The following CDH13 variants were observed in gnomAD, a reference collection of about 807,000 sequenced individuals.
The protein encoded by CDH13 is cadherin 13, also known as cadherin-13.
Under a neutral mutation model 63.8 loss-of-function variants are expected in CDH13, and 24 were observed. The ratio of observed to expected loss-of-function variants is 0.38; its 90% confidence interval spans 0.27 to 0.53. The LOEUF is 0.53. Among genes scored for constraint, CDH13 ranks in the 20% least tolerant of loss-of-function variants. The pLI, the probability that CDH13 is intolerant of heterozygous loss-of-function variation, is 0.85. For missense variants in CDH13, 1,049 were observed against 903.1 expected (o/e 1.16, Z -2.07); for synonymous variants, 503 against 355.3 (o/e 1.42, Z -4.67).
At chr16:83,276,550 T>G (rs1164083993) in intron 5 of CDH13, among the ~76,000 whole-genome samples, 1 of 152,124 alleles carries the variant, frequency 6.6e-6, no homozygotes, top group African/African-American at 2.4e-5. Flanking sequence ...TGGGGAGGCC[T>G]CACAGTCATG....
At chr16:83,279,750 C>G (rs928482376) in intron 5 of CDH13, among the ~76,000 whole-genome samples, 1 of 152,050 alleles carries the variant, frequency 6.6e-6, no homozygotes, top group African/African-American at 2.4e-5. Flanking sequence ...ATAAAACATA[C>G]CTAAAGATAA....
intron 5 of CDH13, among the ~76,000 whole-genome samples, chr16:83,296,886 C>T (rs1424188): frequency 0.41 from 62,019 of 152,016 alleles, 12,707 homozygotes; most frequent in African/African-American, 0.43. Context: ...ATGATGGAAC[C>T]CAGTTTCATG....
intron 1 of CDH13, among the ~76,000 whole-genome samples, chr16:82,677,049 A>C (rs1413133893): frequency 2.6e-5 from 4 of 152,072 alleles, no homozygotes; most frequent in Non-Finnish European, 5.9e-5. Context: ...ACAGCCAGCT[A>C]ATTTTTGTAT....
At chr16:83,458,096 C>T (rs558660493) in intron 6 of CDH13, among the ~76,000 whole-genome samples, 4 of 152,252 alleles carry the variant, frequency 2.6e-5, no homozygotes, top group African/African-American at 9.6e-5. Context: ...ACAGAACGCT[C>T]CTAACAGAGA....
intron 5 of CDH13, among the ~76,000 whole-genome samples, chr16:83,289,342 G>C (rs2089409777): frequency 6.6e-6 from 1 of 152,114 alleles, no homozygotes; most frequent in Non-Finnish European, 1.5e-5. Context: ...CTTTCTGAAA[G>C]GCTTCTGTTT....
intron 6 of CDH13, among the ~76,000 whole-genome samples, chr16:83,443,979 G>A (rs1430672515): frequency 1.3e-5 from 2 of 150,230 alleles, no homozygotes; most frequent in Non-Finnish European, 3.0e-5. Context: ...TCAGGTGATG[G>A]TGTTGATTAT....
intron 4 of CDH13, among the ~76,000 whole-genome samples, chr16:83,133,000 C>CT (rs2036126421): frequency 6.6e-6 from 1 of 152,206 alleles, no homozygotes; most frequent in Admixed American, 6.5e-5. Context: ...CATTCACACT[C>CT]TAAGGCTGCA....
rs1909853508 is a variant in CDH13, at chr16:82,644,576, A to G, written c.45+17439A>G. 6.6e-6 allele frequency among the ~76,000 whole-genome samples: 1 copy of G among 152,214 alleles called. No homozygotes were observed. Among genetic ancestry groups the G allele is most frequent in the Admixed American group, 6.5e-5 (1 of 15,286 alleles). ...GCACGAGTTTGGGTGCTGGAAGGGG[A>G]GGCTTTATGGAGGCAAAGCTGAGGG... is the stretch of plus-strand genomic sequence containing the variant. On this transcript the variant is annotated intron_variant, in intron 1 of 13. Transcript: ENST00000567109. The surrounding 1 kb of genome is among the most constrained non-coding windows in gnomAD (Gnocchi z 5.7).
At chr16:82,631,750 T>A (rs1216128275) in intron 1 of CDH13, among the ~76,000 whole-genome samples, 2 of 152,214 alleles carry the variant, frequency 1.3e-5, no homozygotes, top group Non-Finnish European at 2.9e-5. Context: ...AAAGTCATCT[T>A]TCTCTGCTGA....
At chr16:82,723,066 A>C (rs904132723) in intron 1 of CDH13, 1 of 152,230 alleles carries the variant, frequency 6.6e-6, no homozygotes, top group Non-Finnish European at 1.5e-5. Context: ...CAACATCTGG[A>C]AATGAGTACT....
Position 83,799,232 on chromosome 16 carries a change from G to C in CDH13, c.*4202G>C, listed in dbSNP as rs1904300621. On this transcript the variant is annotated 3_prime_UTR_variant, in exon 14 of 14. Coordinates refer to ENST00000567109, the MANE Select transcript of CDH13 (RefSeq NM_001257.5). Reference sequence around the variant, plus strand: ...GGAGGCTGAGGCAGGAGAATCGCTTGAACCCAGGAGGCAGAGTTTGCAGTG... The same window carrying C: ...GGAGGCTGAGGCAGGAGAATCGCTTCAACCCAGGAGGCAGAGTTTGCAGTG... 1.4e-5 allele frequency: 2 copies of C among 147,840 alleles called. No individual in the cohort carries two copies. The highest frequency in any genetic ancestry group is 3.0e-5 in the Non-Finnish European group (2 of 67,430). 9.2% of individuals were successfully genotyped at this position (147,840 alleles called of 1,614,324 possible).
chr16:82,768,137 C>T (rs1482918304), intron 1 of CDH13, among the ~76,000 whole-genome samples: 3 of 152,184 alleles, frequency 2.0e-5, no homozygotes, highest in East Asian at 1.9e-4. Context: ...GAGAGACGCA[C>T]CTTGTGGCTG....
intron 1 of CDH13, among the ~76,000 whole-genome samples, chr16:82,685,897 G>T (rs1567626037): frequency 6.6e-6 from 1 of 152,108 alleles, no homozygotes; most frequent in East Asian, 1.9e-4. Context: ...TGGTTTTCAG[G>T]TGCTCCCTTT....
intron 5 of CDH13, among the ~76,000 whole-genome samples, chr16:83,223,535 G>C (rs2039759799): frequency 1.3e-5 from 2 of 152,254 alleles, no homozygotes; most frequent in Admixed American, 6.5e-5. Context: ...CTGCCACTTT[G>C]CTCTGATGCT....
intron 5 of CDH13, among the ~76,000 whole-genome samples, chr16:83,272,978 C>G (rs554638183): frequency 5.9e-5 from 9 of 152,012 alleles, no homozygotes; most frequent in Middle Eastern, 6.8e-3. Context: ...TAAGCACAAT[C>G]TGCTCAGATA....
intron 2 of CDH13, among the ~76,000 whole-genome samples, chr16:82,893,770 C>G (rs2041160071): frequency 6.6e-6 from 1 of 152,132 alleles, no homozygotes; most frequent in Non-Finnish European, 1.5e-5. Context: ...TCAGTAGAAC[C>G]TCCTCTGGAC....
chr16:83,348,044 G>A lies in CDH13; in HGVS notation c.781+3038G>A, dbSNP rs531711469. ...ATTGCTACGAAAAAAACAAAAATTA[G>A]CCGGGTGCGGTGGTGGGTGCCTGTA... On this transcript the variant is annotated intron_variant, in intron 6 of 13. Transcript: ENST00000567109. Among the ~76,000 whole-genome samples, 4 of 152,252 alleles carry A rather than the reference G, an allele frequency of 2.6e-5. No homozygotes were observed. In the East Asian group the frequency reaches 7.7e-4, roughly 29 times the overall value.
intron 1 of CDH13, among the ~76,000 whole-genome samples, chr16:82,748,137 C>A (rs28603097): frequency 0.027 from 4,177 of 152,250 alleles, 211 homozygotes; most frequent in African/African-American, 0.096. Context: ...ATAAATGACT[C>A]CCTGGCATTT....
chr16:83,574,292 T>G (rs1904908103), intron 7 of CDH13, among the ~76,000 whole-genome samples: 2 of 152,226 alleles, frequency 1.3e-5, no homozygotes, highest in African/African-American at 4.8e-5. Context: ...TTAGAAACTG[T>G]GCTCATGCAC....
Sources: allele counts gnomAD v4.1 joint callset (sites outside exome capture counted in the v4.1 genomes callset), GRCh38; gene constraint gnomAD v4.1.1; non-coding constraint Gnocchi (gnomAD v3.1); transcripts MANE v1.5; gene names NCBI Gene and HGNC (gene_info 2026-07-23, HGNC 2026-07-21).